Variants in NTM observed in about 807,000 individuals in gnomAD.
The protein encoded by NTM is IgLON family member 2.
In NTM, 13 loss-of-function variants were observed where a neutral mutation model predicts 42.1. That is an observed-to-expected ratio of 0.31 (90% confidence interval 0.20 to 0.49). The LOEUF is 0.49. NTM is among the 20% of genes least tolerant of loss of function. The probability of loss-of-function intolerance (pLI) is 0.99; values close to 1 mark genes in which losing one functional copy is unlikely to be tolerated. For missense variants in NTM, 373 were observed against 452.8 expected (o/e 0.82, Z 1.60); for synonymous variants, 187 against 179.2 (o/e 1.04, Z -0.35).
At chr11:131,423,833 A>G (rs745712636) in intron 1 of NTM, among the ~76,000 whole-genome samples, 1 of 152,194 alleles carries the variant, frequency 6.6e-6, no homozygotes, top group Non-Finnish European at 1.5e-5. Flanking sequence ...TCCATCTCTT[A>G]TCTAGGAAGG....
chr11:131,371,465 T>C (rs1444948706), intron 1 of NTM, among the ~76,000 whole-genome samples: 1 of 151,764 alleles, frequency 6.6e-6, no homozygotes, highest in African/African-American at 2.4e-5. Flanking sequence ...TGTTCGGGGG[T>C]GTGTTTGTGG....
chr11:132,195,047 T>C (rs1187305224), intron 3 of NTM, among the ~76,000 whole-genome samples: 1 of 151,962 alleles, frequency 6.6e-6, no homozygotes, highest in Non-Finnish European at 1.5e-5. Context: ...GGTCTCGAAC[T>C]CCTAACCTCA....
chr11:132,032,375 T>C (rs1352468346), intron 2 of NTM, among the ~76,000 whole-genome samples: 1 of 152,232 alleles, frequency 6.6e-6, no homozygotes, highest in Non-Finnish European at 1.5e-5. Flanking sequence ...CATCCATTCC[T>C]TGGATTTTCA....
intron 1 of NTM, among the ~76,000 whole-genome samples, chr11:131,500,550 T>TAC (rs2046617645): frequency 3.1e-4 from 4 of 12,810 alleles, no homozygotes; most frequent in African/African-American, 5.5e-4. Context: ...ATTATATATA[T>TAC]ATATATATAT....
chr11:131,839,850 C>T (rs948236682), intron 1 of NTM, among the ~76,000 whole-genome samples: 6 of 152,196 alleles, frequency 3.9e-5, no homozygotes, highest in African/African-American at 1.4e-4. Flanking sequence ...TAGCAGTGAA[C>T]CATTGGGAGA....
At chr11:132,253,424 A>G (rs1034359409) in intron 4 of NTM, among the ~76,000 whole-genome samples, 10 of 149,832 alleles carry the variant, frequency 6.7e-5, no homozygotes, top group Non-Finnish European at 1.2e-4. Context: ...TTTTCATCAC[A>G]CTATACCCAT....
intron 1 of NTM, among the ~76,000 whole-genome samples, chr11:131,890,369 A>T (rs1357405981): frequency 6.6e-6 from 1 of 152,152 alleles, no homozygotes; most frequent in Admixed American, 6.5e-5. Context: ...CATGACTGCA[A>T]TTAATTGGCA....
chr11:132,262,193 C>G (rs972186855), intron 4 of NTM, among the ~76,000 whole-genome samples: 8 of 152,218 alleles, frequency 5.3e-5, no homozygotes, highest in African/African-American at 1.9e-4. Flanking sequence ...GTAGCCCCTT[C>G]CACCATAGTC....
At chr11:131,516,034 C>CT (rs2048853263) in intron 1 of NTM, among the ~76,000 whole-genome samples, 2 of 152,156 alleles carry the variant, frequency 1.3e-5, no homozygotes, top group South Asian at 4.1e-4. Flanking sequence ...CTAAATGGAA[C>CT]TTATTCATCC....
intron 2 of NTM, among the ~76,000 whole-genome samples, chr11:132,108,592 G>A (rs982056079): frequency 1.7e-4 from 26 of 152,048 alleles, no homozygotes; most frequent in African/African-American, 6.3e-4. Context: ...CACTGTTCGG[G>A]TGATTGGTGC....
intron 1 of NTM, among the ~76,000 whole-genome samples, chr11:131,602,753 C>T (rs2060601785): frequency 6.6e-6 from 1 of 152,144 alleles, no homozygotes; most frequent in Admixed American, 6.6e-5. Context: ...AATTGAGCTC[C>T]CTTTTTATGT....
At chr11:131,854,631 G>A (rs1426681027) in intron 1 of NTM, among the ~76,000 whole-genome samples, 3 of 152,164 alleles carry the variant, frequency 2.0e-5, no homozygotes, top group African/African-American at 7.2e-5. Context: ...GGGAGGGAGA[G>A]TAGAGGTAAG....
chr11:132,333,698 C>T (rs886540338), intron 8 of NTM, among the ~76,000 whole-genome samples: 7 of 152,110 alleles, frequency 4.6e-5, no homozygotes, highest in Non-Finnish European at 8.8e-5. Flanking sequence ...AAGTTCCGGC[C>T]TTAGGGATAC....
chr11:131,782,890 C>T (rs11222792), intron 1 of NTM, among the ~76,000 whole-genome samples: 42,121 of 151,952 alleles, frequency 0.28, 5,986 homozygotes, highest in Non-Finnish European at 0.31. Flanking sequence ...TCGTAGAGGA[C>T]GGAATGAATA....
chr11:131,965,407 A>G (rs2062712249), intron 2 of NTM, among the ~76,000 whole-genome samples: 2 of 152,364 alleles, frequency 1.3e-5, no homozygotes, highest in African/African-American at 4.8e-5. Flanking sequence ...GAATGCAGTC[A>G]CTGCTGGGCA....
intron 1 of NTM, among the ~76,000 whole-genome samples, chr11:131,674,491 G>C (rs1391443167): frequency 6.6e-6 from 1 of 152,228 alleles, no homozygotes; most frequent in Non-Finnish European, 1.5e-5. Context: ...CAGCTGGGAT[G>C]CTCTGGCCTT....
chr11:131,876,354 C>A (rs1592462309), intron 1 of NTM, among the ~76,000 whole-genome samples: 2 of 152,174 alleles, frequency 1.3e-5, no homozygotes, highest in East Asian at 3.9e-4. Flanking sequence ...CTGCCGGAGG[C>A]CCACTGGGTC....
intron 1 of NTM, among the ~76,000 whole-genome samples, chr11:131,662,592 C>A (rs1345147542): frequency 6.6e-6 from 1 of 152,208 alleles, no homozygotes; most frequent in Admixed American, 6.5e-5. Context: ...TTCCTGCAGT[C>A]CCTCTGCCAC....
intron 2 of NTM, among the ~76,000 whole-genome samples, chr11:132,118,964 T>G (rs2064305158): frequency 6.6e-6 from 1 of 151,966 alleles, no homozygotes; most frequent in Non-Finnish European, 1.5e-5. Context: ...TAGAGATAGA[T>G]AGTGTATAGT....
Sources: gnomAD v4.1 joint callset for allele counts (sites outside exome capture counted in the v4.1 genomes callset) on GRCh38, gnomAD v4.1.1 for gene constraint, MANE v1.5 for transcripts, NCBI Gene and HGNC (gene_info 2026-07-23, HGNC 2026-07-21) for gene names.